Variants in MPP7 observed in about 807,000 individuals in gnomAD.
MPP7 encodes MAGUK p55 subfamily member 7.
A neutral mutation model predicts 76.5 loss-of-function variants in MPP7; 60 were observed. That is an observed-to-expected ratio of 0.78 (90% CI 0.64 to 0.97). MPP7 has a LOEUF of 0.97. Ranked by LOEUF, MPP7 falls within the 50% of genes least tolerant of loss-of-function variation. The probability of loss-of-function intolerance (pLI) is 0.00; values close to 1 mark genes in which losing one functional copy is unlikely to be tolerated. For missense variants in MPP7, 641 were observed against 694.0 expected (o/e 0.92, Z 0.86); for synonymous variants, 237 against 244.5 (o/e 0.97, Z 0.29).
chr10:28,162,361 G>A (rs560397870), intron 3 of MPP7, among the ~76,000 whole-genome samples: 5 of 152,030 alleles, frequency 3.3e-5, no homozygotes, highest in South Asian at 2.1e-4. Flanking sequence ...TTTTTTTAAT[G>A]CATGGTAATA....
At chr10:28,061,701 A>G (rs1851793542) in intron 13 of MPP7, among the ~76,000 whole-genome samples, 1 of 152,120 alleles carries the variant, frequency 6.6e-6, no homozygotes, top group South Asian at 2.1e-4. Flanking sequence ...CAAATCCCAA[A>G]CAGGATACAC....
chr10:28,155,914 C>T (rs1305227385), intron 3 of MPP7, among the ~76,000 whole-genome samples: 1 of 152,116 alleles, frequency 6.6e-6, no homozygotes, highest in Non-Finnish European at 1.5e-5. Flanking sequence ...TGCCTCTATC[C>T]CCAAATCTGT....
chr10:28,119,741 T>C (rs1281629587), intron 10 of MPP7, 26 bp from the exon 11 acceptor site: 2 of 1,597,750 alleles, frequency 1.3e-6, no homozygotes, highest in Admixed American at 1.7e-5. Context: ...TCAACATACC[T>C]ATCAATTTTC....
rs140922698 is a variant in MPP7, at chr10:28,315,899, A to G, written c.-132+14030T>C. ...ATGAGAAGTCATGTTGCCTGTGTGC[A>G]TGGCCTTCCTCCCCTAAACCCCTAT... On this transcript the variant is annotated intron_variant, in intron 2 of 11. Transcript: ENST00000441595. 2.0e-3 allele frequency among the ~76,000 whole-genome samples: 303 copies of G among 152,256 alleles called. 1 individual carries two copies. The highest frequency in any genetic ancestry group is 7.0e-3 in the African/African-American group (291 of 41,564).
At chr10:28,272,140 A>G (rs368598133) in intron 1 of MPP7, among the ~76,000 whole-genome samples, 20 of 152,294 alleles carry the variant, frequency 1.3e-4, no homozygotes, top group East Asian at 7.7e-4. Flanking sequence ...TCTAGTCCAT[A>G]TAGTTTGACC....
chr10:28,303,366 T>A (rs1230961936), upstream of MPP7: 2 of 152,216 alleles, frequency 1.3e-5, no homozygotes, highest in African/African-American at 4.8e-5. Flanking sequence ...GTGTGTTTCA[T>A]GGACGAGCAA....
At chr10:28,180,975 T>C (rs1256423317) in intron 3 of MPP7, among the ~76,000 whole-genome samples, 1 of 152,200 alleles carries the variant, frequency 6.6e-6, no homozygotes, top group South Asian at 2.1e-4. Context: ...CTGCAGGATA[T>C]ACGGATGGAT....
intron 1 of MPP7, among the ~76,000 whole-genome samples, chr10:28,241,458 A>G (rs1839265833): frequency 6.6e-6 from 1 of 152,186 alleles, no homozygotes; most frequent in African/African-American, 2.4e-5. Context: ...AATACTTTGT[A>G]TTTTGTGGAA....
intron 1 of MPP7, among the ~76,000 whole-genome samples, chr10:28,299,839 T>C (rs900391067): frequency 1.3e-5 from 2 of 151,006 alleles, no homozygotes; most frequent in Middle Eastern, 3.2e-3. Context: ...GATCTCAGCT[T>C]ACTGCAAGCT....
In MPP7 at chr10:28,067,608, T is replaced by C. The variant is rs902736069; in HGVS notation, c.1204+2164A>G. On this transcript the variant is annotated intron_variant, in intron 13 of 16. Transcript: ENST00000683449. ...TCCCAGTCCCACAACCTTTCTGTAATATTGTCAACTTCTATAACAACTTCA... is the reference window on the plus strand; with the variant it reads ...TCCCAGTCCCACAACCTTTCTGTAACATTGTCAACTTCTATAACAACTTCA... Among the ~76,000 whole-genome samples the C allele has an allele frequency of 7.9e-5, 12 of 152,294 alleles. No homozygotes were observed. The South Asian group carries it at 2.5e-3, about 32-fold the overall frequency.
chr10:28,283,891 T>C (rs933781310), intron 1 of MPP7, among the ~76,000 whole-genome samples: 6 of 152,166 alleles, frequency 3.9e-5, no homozygotes, highest in Non-Finnish European at 5.9e-5. Flanking sequence ...TGCCATATCA[T>C]ACACAGCCTG....
rs199511617 is a variant in MPP7, at chr10:28,254,004, G to GAAAAAA, written c.-131-15275_-131-15270dup. ...GAGAGAGAGTCTGTCTCACAAAAAAGAAAAAAAAAAAAAAAAAAAAAAAAA... is the reference window on the plus strand; with the variant it reads ...GAGAGAGAGTCTGTCTCACAAAAAAGAAAAAAAAAAAAAAAAAAAAAAAAAAAAAAA... On this transcript the variant is annotated intron_variant, in intron 1 of 16. Transcript: ENST00000683449. Among the ~76,000 whole-genome samples the GAAAAAA allele has an allele frequency of 2.3e-4, 21 of 92,336 alleles. 1 individual carries two copies. Among genetic ancestry groups the GAAAAAA allele is most frequent in the Middle Eastern group, 9.1e-3 (1 of 110 alleles). The allele number at this position is 92,336 out of a possible 152,430, so 60.6% of individuals were successfully genotyped here.
rs1324851034 is a variant in MPP7 at position 28,222,895 on chromosome 10, T to A, written c.37+15673A>T. Among the ~76,000 whole-genome samples, 3 of 146,582 alleles carry A rather than the reference T, an allele frequency of 2.0e-5. No individual in the cohort carries two copies. In the Admixed American group the frequency reaches 2.1e-4, roughly 10 times the overall value. On this transcript the variant is annotated intron_variant, in intron 2 of 16. Transcript: ENST00000683449. ...GTGATTTGGCTAATTTTAGGTAGTATTACATACACATAAGCATACTGGGGA... is the reference window on the plus strand; with the variant it reads ...GTGATTTGGCTAATTTTAGGTAGTAATACATACACATAAGCATACTGGGGA...
chr10:28,268,150 G>A lies in MPP7; in HGVS notation c.-131-29415C>T, dbSNP rs1370474090. On this transcript the variant is annotated intron_variant, in intron 1 of 16. Transcript: ENST00000683449. ...AGGCATACTCTATATTGGGTAGAAGGTGAAGTTTCTCTAAGCAGGTGCAAT... is the reference window on the plus strand; with the variant it reads ...AGGCATACTCTATATTGGGTAGAAGATGAAGTTTCTCTAAGCAGGTGCAAT... Among the ~76,000 whole-genome samples the A allele has an allele frequency of 7.3e-5, 11 of 151,342 alleles. No individual in the cohort carries two copies. In the East Asian group the frequency reaches 2.1e-3, roughly 30 times the overall value.
intron 1 of MPP7, among the ~76,000 whole-genome samples, chr10:28,240,053 T>TG (rs1214656516): frequency 6.6e-6 from 1 of 152,170 alleles, no homozygotes; most frequent in Non-Finnish European, 1.5e-5. Flanking sequence ...GGAGGCCATC[T>TG]GGTTTAAATT....
At chr10:28,172,335 C>T (rs1265774652) in intron 3 of MPP7, among the ~76,000 whole-genome samples, 1 of 152,168 alleles carries the variant, frequency 6.6e-6, no homozygotes, top group African/African-American at 2.4e-5. Flanking sequence ...ATCTTAAAAA[C>T]AGTCAGACAC....
chr10:28,203,509 A>C (rs1310467168), intron 2 of MPP7, among the ~76,000 whole-genome samples: 1 of 151,696 alleles, frequency 6.6e-6, no homozygotes, highest in Non-Finnish European at 1.5e-5. Flanking sequence ...AAAAAAAAAA[A>C]AAAAAAACCT....
intron 3 of MPP7, among the ~76,000 whole-genome samples, chr10:28,155,609 A>AAAAAAAAAC (rs1554843036): frequency 1.5e-5 from 2 of 137,070 alleles, no homozygotes; most frequent in Non-Finnish European, 3.1e-5. Flanking sequence ...AAAAAAAAAA[A>AAAAAAAAAC]GAAAGAAAAA....
chr10:28,104,312 G>A (rs1345910340), intron 11 of MPP7, among the ~76,000 whole-genome samples: 1 of 152,118 alleles, frequency 6.6e-6, no homozygotes, highest in Non-Finnish European at 1.5e-5. Flanking sequence ...CAAAGAAATG[G>A]TTAAGAGGAA....
Sources: gnomAD v4.1 joint callset for allele counts (sites outside exome capture counted in the v4.1 genomes callset) on GRCh38, gnomAD v4.1.1 for gene constraint, MANE v1.5 for transcripts, NCBI Gene and HGNC (gene_info 2026-07-23, HGNC 2026-07-21) for gene names.